The following CUX1 variants were observed in gnomAD, a reference collection of about 807,000 sequenced individuals.
The protein encoded by CUX1 is protein CASP.
In CUX1, 31 loss-of-function variants were observed where a neutral mutation model predicts 158.8. That is an observed-to-expected ratio of 0.20 (90% CI 0.15 to 0.26). The LOEUF (loss-of-function observed/expected upper bound fraction) is 0.26, where lower values mean the gene tolerates loss of function less well. Among genes scored for constraint, CUX1 ranks in the 10% least tolerant of loss-of-function variants. CUX1 has a pLI of 1.00. For synonymous variants in CUX1, 879 were observed against 862.1 expected (o/e 1.02, Z -0.34); for missense variants, 1,589 against 2,014.6 (o/e 0.79, Z 4.04).
intron 2 of CUX1, among the ~76,000 whole-genome samples, chr7:101,936,843 G>A (rs1187169519): frequency 1.3e-5 from 2 of 152,226 alleles, no homozygotes; most frequent in Non-Finnish European, 2.9e-5. Context: ...TAAGCAAGCA[G>A]CTTCGTTTCC....
chr7:101,829,864 G>GT (rs1236200417), intron 1 of CUX1, among the ~76,000 whole-genome samples: 1 of 152,164 alleles, frequency 6.6e-6, no homozygotes, highest in Non-Finnish European at 1.5e-5. Flanking sequence ...GGCTCAGGCT[G>GT]TAAGGAGCCC....
intron 2 of CUX1, among the ~76,000 whole-genome samples, chr7:101,943,522 T>C (rs1025039742): frequency 5.3e-5 from 8 of 152,112 alleles, no homozygotes; most frequent in African/African-American, 1.4e-4. Context: ...TCAGCGTCTT[T>C]GGTGCAGTCT....
intron 20 of CUX1, among the ~76,000 whole-genome samples, chr7:102,213,762 G>A (rs1554523831): frequency 6.6e-6 from 1 of 152,204 alleles, no homozygotes; most frequent in African/African-American, 2.4e-5. Flanking sequence ...CAGAAAGGGG[G>A]GTGGGAATAA....
intron 2 of CUX1, among the ~76,000 whole-genome samples, chr7:101,964,675 T>G (rs1468179965): frequency 6.6e-6 from 1 of 152,162 alleles, no homozygotes; most frequent in African/African-American, 2.4e-5. Context: ...TGCACTGATT[T>G]CTCATCCAGC....
At chr7:102,041,010 T>A (rs901221666) in intron 3 of CUX1, among the ~76,000 whole-genome samples, 2 of 151,992 alleles carry the variant, frequency 1.3e-5, no homozygotes, top group African/African-American at 4.8e-5. Flanking sequence ...ATGAGCTGGC[T>A]GGGCACAGTG....
At chr7:102,213,238 G>C (rs1490802596) in intron 20 of CUX1, among the ~76,000 whole-genome samples, 1 of 152,224 alleles carries the variant, frequency 6.6e-6, no homozygotes, top group African/African-American at 2.4e-5. Flanking sequence ...TCCTGGTGCC[G>C]CAGTCCTGTG....
In CUX1 at chr7:101,916,052, G is replaced by A. The variant is rs1444950356; in HGVS notation, c.31-63G>A. 5.1e-6 allele frequency: 6 copies of A among 1,169,048 alleles called. No homozygotes were observed. The highest frequency in any genetic ancestry group is 7.7e-6 in the Non-Finnish European group (6 of 777,174). 72.4% of individuals were successfully genotyped at this position (1,169,048 alleles called of 1,614,324 possible). ...CCAGTGTTCTGGTCAAATGCAAATA[G>A]GACCCTCCTCTAGTACACAGTGCAA... On this transcript the variant is annotated intron_variant, in intron 1 of 23. Transcript: ENST00000292535. This position sits in a 1 kb window ranked among gnomAD's most constrained non-coding sequence, Gnocchi z 4.4.
chr7:101,914,542 A>T (rs142560873), intron 1 of CUX1, among the ~76,000 whole-genome samples: 1,730 of 148,788 alleles, frequency 0.012, 12 homozygotes, highest in Non-Finnish European at 0.019. Flanking sequence ...ACTCATGCCC[A>T]GGCTGGAGTG....
chr7:101,919,598 G>A (rs1310308381), intron 2 of CUX1, among the ~76,000 whole-genome samples: 1 of 152,160 alleles, frequency 6.6e-6, no homozygotes, highest in East Asian at 1.9e-4. Context: ...TGACACCAAG[G>A]GTGTTGATCT....
chr7:102,086,624 T>C (rs2130800993), intron 4 of CUX1, among the ~76,000 whole-genome samples: 1 of 152,140 alleles, frequency 6.6e-6, no homozygotes, highest in East Asian at 1.9e-4. Context: ...TTGTTTTTTT[T>C]TTTGAGACAG....
chr7:101,970,279 A>G (rs988612238), intron 2 of CUX1, among the ~76,000 whole-genome samples: 1 of 152,182 alleles, frequency 6.6e-6, no homozygotes, highest in Non-Finnish European at 1.5e-5. Flanking sequence ...CCTTTCATAG[A>G]GAAACGGCTG....
rs377006913 is a variant in CUX1, at chr7:102,221,049, C to CCTCCCCT, written c.3131-6303_3131-6297dup. ...CACTTAATGTGCCAGGCCACGACCA[C>CCTCCCCT]CTCCCCTCTCCCCTCTCCCCTAACC... On this transcript the variant is annotated intron_variant, in intron 20 of 23. Coordinates refer to ENST00000292535, the MANE Select transcript of CUX1 (RefSeq NM_181552.4). 2.4e-3 allele frequency among the ~76,000 whole-genome samples: 370 copies of CCTCCCCT among 152,202 alleles called. 2 individuals are homozygous for CCTCCCCT. The highest frequency in any genetic ancestry group is 8.5e-3 in the African/African-American group (353 of 41,536).
At chr7:102,015,403 T>C (rs1032366172) in intron 2 of CUX1, among the ~76,000 whole-genome samples, 2 of 152,078 alleles carry the variant, frequency 1.3e-5, no homozygotes, top group Non-Finnish European at 1.5e-5. Flanking sequence ...AATTTTTGTA[T>C]TTTAAGTAGA....
rs200105610 is a variant in CUX1, at chr7:102,227,358, T to C, written c.3131-9T>C. 7.5e-6 allele frequency: 12 copies of C among 1,595,604 alleles called. No individual in the cohort carries two copies. In the African/African-American group the frequency reaches 1.5e-4, roughly 20 times the overall value. ...TTCAGGCACGGTTTCTCGTGTGCTTTAATTACAGAAAGCACTCCAAAGACC... is the reference window on the plus strand; with the variant it reads ...TTCAGGCACGGTTTCTCGTGTGCTTCAATTACAGAAAGCACTCCAAAGACC... On this transcript the variant is annotated splice_polypyrimidine_tract_variant and intron_variant, in intron 20 of 23. Transcript: ENST00000292535.
chr7:102,054,663 A>G (rs1357118266), intron 3 of CUX1, among the ~76,000 whole-genome samples: 7 of 152,096 alleles, frequency 4.6e-5, no homozygotes, highest in Non-Finnish European at 8.8e-5. Context: ...CAACTTGTCA[A>G]TTTCTGCAAA....
At chr7:101,863,592 C>T (rs1403041995) in intron 1 of CUX1, among the ~76,000 whole-genome samples, 1 of 152,228 alleles carries the variant, frequency 6.6e-6, no homozygotes, top group Non-Finnish European at 1.5e-5. Flanking sequence ...CTTAAGTGAT[C>T]CACCCGCCTC....
intron 2 of CUX1, among the ~76,000 whole-genome samples, chr7:101,956,024 T>C (rs375191861): frequency 2.6e-4 from 38 of 145,864 alleles, no homozygotes; most frequent in South Asian, 1.5e-3. Flanking sequence ...CTACTAAAAA[T>C]ACAAAAAATT....
intron 2 of CUX1, among the ~76,000 whole-genome samples, chr7:101,940,162 C>G (rs1324588474): frequency 6.6e-6 from 1 of 151,296 alleles, no homozygotes; most frequent in Non-Finnish European, 1.5e-5. Flanking sequence ...ATTGCTTGAG[C>G]CCGGGAGGTT....
intron 1 of CUX1, among the ~76,000 whole-genome samples, chr7:101,914,071 T>C (rs1312048873): frequency 6.6e-6 from 1 of 152,038 alleles, no homozygotes; most frequent in Non-Finnish European, 1.5e-5. Flanking sequence ...TTTTTTTCCC[T>C]GCCTTCCCTT....
Sources: allele counts gnomAD v4.1 joint callset (sites outside exome capture counted in the v4.1 genomes callset), GRCh38; gene constraint gnomAD v4.1.1; non-coding constraint Gnocchi (gnomAD v3.1); transcripts MANE v1.5; gene names NCBI Gene and HGNC (gene_info 2026-07-23, HGNC 2026-07-21).